NFASC: variants seen among roughly 807,000 people sequenced by gnomAD.
NFASC encodes neurofascin homolog.
NFASC carries 43 observed loss-of-function variants against 147.5 expected under a neutral mutation model. The observed-to-expected ratio is 0.29, with a 90% confidence interval of 0.23 to 0.38. NFASC has a LOEUF of 0.38. Among genes scored for constraint, NFASC ranks in the 10% least tolerant of loss-of-function variants. NFASC has a pLI of 1.00. For missense variants in NFASC, 1,320 were observed against 1,689.0 expected, an observed-to-expected ratio of 0.78 and a Z score of 3.83; for synonymous variants, 622 against 665.5, an observed-to-expected ratio of 0.93 and a Z score of 1.01.
intron 2 of NFASC, among the ~76,000 whole-genome samples, chr1:204,926,378 A>C (rs1362655203): frequency 9.3e-5 from 3 of 32,390 alleles, no homozygotes; most frequent in Non-Finnish European, 1.2e-4. Flanking sequence ...TTCTTTTTTC[A>C]TGTATATATA....
Position 205,018,306 on chromosome 1 carries a change from C to T in NFASC, c.*1767C>T, listed in dbSNP as rs2096377482. The T allele has an allele frequency of 6.6e-6, 1 of 152,508 alleles. No homozygotes were observed. The highest frequency in any genetic ancestry group is 1.5e-5 in the Non-Finnish European group (1 of 68,060). The allele number at this position is 152,508 out of a possible 1,614,324, so 9.4% of individuals were successfully genotyped here. On this transcript the variant is annotated 3_prime_UTR_variant, in exon 30 of 30. Transcript: ENST00000339876. ...CGGCTGCCAGCCAGGGGGCCTGGGC[C>T]AGACCAGGGCTCTGTCCTTCCGTGA... is the stretch of plus-strand genomic sequence containing the variant.
At chr1:204,957,390 G>A (rs1026648014) in intron 7 of NFASC, among the ~76,000 whole-genome samples, 1 of 152,204 alleles carries the variant, frequency 6.6e-6, no homozygotes, top group Non-Finnish European at 1.5e-5. Flanking sequence ...TGTGGTCATA[G>A]AACATGGACA....
intron 1 of NFASC, among the ~76,000 whole-genome samples, chr1:204,838,470 T>C (rs1341395339): frequency 1.3e-5 from 2 of 152,200 alleles, no homozygotes; most frequent in Admixed American, 6.5e-5. Flanking sequence ...GCCCTGACTT[T>C]CTTGTTTTCA....
intron 1 of NFASC, among the ~76,000 whole-genome samples, chr1:204,830,422 G>A (rs1468416426): frequency 6.6e-6 from 1 of 152,172 alleles, no homozygotes; most frequent in Non-Finnish European, 1.5e-5. Flanking sequence ...TCTGGTTTGG[G>A]GATGATTGGA....
In NFASC at chr1:204,968,495, G is replaced by T; in HGVS notation, c.818+135G>T. On this transcript the variant is annotated intron_variant, in intron 9 of 29. Coordinates refer to ENST00000339876, the MANE Select transcript of NFASC (RefSeq NM_001005388.3). The surrounding 1 kb of genome is among the most constrained non-coding windows in gnomAD (Gnocchi z 5.4). Reference sequence around the variant, plus strand: ...AAAAGAGAAGCAAACAGCCTCTAGTGAGCAGGGTGTTGCAAACCATAGTCA... The same window carrying T: ...AAAAGAGAAGCAAACAGCCTCTAGTTAGCAGGGTGTTGCAAACCATAGTCA... 3 of 677,552 alleles carry T rather than the reference G, an allele frequency of 4.4e-6. No homozygotes were observed. The Admixed American group carries it at 7.4e-5, about 17-fold the overall frequency. The allele number at this position is 677,552 out of a possible 1,614,324, so 42.0% of individuals were successfully genotyped here. A position where few individuals can be genotyped will look rare whatever the true frequency, so the allele number is the denominator to read the frequency against.
In NFASC at chr1:204,986,176, T is replaced by G. The variant is rs1480834820; in HGVS notation, c.2471-1242T>G. 7.7e-7 allele frequency: 1 copy of G among 1,298,014 alleles called. No individual in the cohort carries two copies. The highest frequency in any genetic ancestry group is 1.5e-5 in the African/African-American group (1 of 68,580). The allele number at this position is 1,298,014 out of a possible 1,614,324, so 80.4% of individuals were successfully genotyped here. On this transcript the variant is annotated intron_variant, in intron 21 of 29. Transcript: ENST00000339876. This position sits in a 1 kb window ranked among gnomAD's most constrained non-coding sequence, Gnocchi z 4.2. ...AGAAGGGTGGCACACACCTTGGGCCTGGAGAAACTCCAGCGTGGCTCAGCA... is the reference window on the plus strand; with the variant it reads ...AGAAGGGTGGCACACACCTTGGGCCGGGAGAAACTCCAGCGTGGCTCAGCA...
At chr1:204,857,133 T>C (rs931309421) in intron 1 of NFASC, among the ~76,000 whole-genome samples, 3 of 152,236 alleles carry the variant, frequency 2.0e-5, no homozygotes, top group African/African-American at 7.2e-5. Flanking sequence ...CACCATGTTA[T>C]GTTCCCACCA....
chr1:204,950,149 C>T (rs1336138361), intron 3 of NFASC, among the ~76,000 whole-genome samples: 1 of 152,250 alleles, frequency 6.6e-6, no homozygotes, highest in African/African-American at 2.4e-5. Flanking sequence ...TGCCCTCAGC[C>T]TCTCCTGTTC....
intron 1 of NFASC, among the ~76,000 whole-genome samples, chr1:204,885,123 T>C (rs898393566): frequency 1.3e-5 from 2 of 152,126 alleles, no homozygotes; most frequent in African/African-American, 2.4e-5. Flanking sequence ...ATCTTTTTTT[T>C]TAATATGTAA....
At chr1:204,971,841 C>T (rs1364408009) in intron 11 of NFASC, among the ~76,000 whole-genome samples, 2 of 152,194 alleles carry the variant, frequency 1.3e-5, no homozygotes, top group Non-Finnish European at 2.9e-5. Flanking sequence ...CTACAGTTCT[C>T]TCCGTCTTAA....
chr1:204,888,713 C>T (rs1303227170), intron 1 of NFASC, among the ~76,000 whole-genome samples: 1 of 152,182 alleles, frequency 6.6e-6, no homozygotes, highest in African/African-American at 2.4e-5. Flanking sequence ...GGTGGGAAGA[C>T]CTCCCATATA....
chr1:204,902,445 A>G (rs1197313282), intron 1 of NFASC, among the ~76,000 whole-genome samples: 1 of 152,270 alleles, frequency 6.6e-6, no homozygotes, highest in African/African-American at 2.4e-5. Flanking sequence ...AATTTGCACC[A>G]TCAGTGGATA....
chr1:204,933,595 A>G (rs2092561000), intron 2 of NFASC, among the ~76,000 whole-genome samples: 1 of 152,198 alleles, frequency 6.6e-6, no homozygotes. Context: ...GCCAAGGAAG[A>G]AAGAATATTA....
At chr1:204,847,825 G>T (rs1261769949) in intron 1 of NFASC, among the ~76,000 whole-genome samples, 1 of 152,178 alleles carries the variant, frequency 6.6e-6, no homozygotes, top group Non-Finnish European at 1.5e-5. Context: ...GTGGGCATGG[G>T]TGGTGAGGGG....
chr1:204,906,396 C>G (rs2085879788), intron 1 of NFASC, among the ~76,000 whole-genome samples: 1 of 152,156 alleles, frequency 6.6e-6, no homozygotes, highest in Admixed American at 6.5e-5. Flanking sequence ...CTCTGGATAA[C>G]CACTCATCTT....
At chr1:204,939,038 A>ATGTATGTG (rs772779672) in intron 2 of NFASC, among the ~76,000 whole-genome samples, 14,870 of 123,610 alleles carry the variant, frequency 0.12, 1,119 homozygotes, top group Middle Eastern at 0.17. Context: ...GTATGGATGG[A>ATGTATGTG]TGTGTGTGTG....
intron 16 of NFASC, among the ~76,000 whole-genome samples, chr1:204,977,364 C>A (rs2095428138): frequency 6.6e-6 from 1 of 152,232 alleles, no homozygotes; most frequent in African/African-American, 2.4e-5. Flanking sequence ...TCCTCTGTCA[C>A]CTCTGCCTCC....
chr1:204,832,901 G>A lies in NFASC; in HGVS notation c.-200+4119G>A, dbSNP rs536211007. 2.0e-5 allele frequency among the ~76,000 whole-genome samples: 3 copies of A among 152,372 alleles called. No individual in the cohort carries two copies. The South Asian group carries it at 6.2e-4, about 32-fold the overall frequency. On this transcript the variant is annotated intron_variant, in intron 1 of 29. Transcript: ENST00000339876. ...ACCCCTGCCTTGGCTTGAGCAAGTTGATGACAAACCTTTGGGCACTTACAA... is the reference window on the plus strand; with the variant it reads ...ACCCCTGCCTTGGCTTGAGCAAGTTAATGACAAACCTTTGGGCACTTACAA...
chr1:204,862,114 G>A (rs577832469), intron 1 of NFASC, among the ~76,000 whole-genome samples: 4 of 152,308 alleles, frequency 2.6e-5, no homozygotes, highest in South Asian at 2.1e-4. Flanking sequence ...ATCCTGTGTA[G>A]GAATAGCCTT....
Sources: allele counts gnomAD v4.1 joint callset (sites outside exome capture counted in the v4.1 genomes callset), GRCh38; gene constraint gnomAD v4.1.1; non-coding constraint Gnocchi (gnomAD v3.1); transcripts MANE v1.5; gene names NCBI Gene and HGNC (gene_info 2026-07-23, HGNC 2026-07-21).